DGKB: variants seen among roughly 807,000 people sequenced by gnomAD.
DGKB encodes 90 kDa diacylglycerol kinase.
A neutral mutation model predicts 114.3 loss-of-function variants in DGKB; 67 were observed. The ratio of observed to expected loss-of-function variants is 0.59; its 90% CI spans 0.48 to 0.72. The LOEUF (loss-of-function observed/expected upper bound fraction) is 0.72. DGKB is among the 30% of genes least tolerant of loss of function. The pLI is 0.00. For missense variants in DGKB, 907 were observed against 975.2 expected (o/e 0.93, Z 0.93); for synonymous variants, 398 against 323.1 (o/e 1.23, Z -2.49).
chr7:14,808,290 A>C (rs1842999215), intron 2 of DGKB, among the ~76,000 whole-genome samples: 1 of 152,218 alleles, frequency 6.6e-6, no homozygotes, highest in Admixed American at 6.5e-5. Context: ...GAAGCAAATA[A>C]GTTTTTACAG....
intron 21 of DGKB, among the ~76,000 whole-genome samples, chr7:14,397,591 C>T (rs1423231784): frequency 1.3e-5 from 2 of 152,094 alleles, no homozygotes; most frequent in African/African-American, 4.8e-5. Context: ...TTTAGCCTTA[C>T]AGAGTCTCTT....
At chr7:14,586,472 T>G (rs1381902500) in intron 17 of DGKB, among the ~76,000 whole-genome samples, 2 of 152,152 alleles carry the variant, frequency 1.3e-5, no homozygotes, top group Non-Finnish European at 2.9e-5. Context: ...GAGGAAGAAG[T>G]GGCAGCAAAT....
intron 20 of DGKB, among the ~76,000 whole-genome samples, chr7:14,562,369 C>T (rs1038604191): frequency 6.6e-6 from 1 of 152,196 alleles, no homozygotes; most frequent in Non-Finnish European, 1.5e-5. Flanking sequence ...AGAGTCCCCA[C>T]TGGGACACTG....
intron 1 of DGKB, among the ~76,000 whole-genome samples, chr7:14,957,647 T>C (rs1786588878): frequency 6.6e-6 from 1 of 152,076 alleles, no homozygotes; most frequent in Non-Finnish European, 1.5e-5. Context: ...TTGTTAACTG[T>C]TTCTATTTCA....
intron 1 of DGKB, among the ~76,000 whole-genome samples, chr7:14,927,934 G>A (rs541187141): frequency 5.9e-5 from 9 of 151,712 alleles, no homozygotes; most frequent in Admixed American, 2.6e-4. Flanking sequence ...CTAGTATCTT[G>A]GATGCAATTT....
chr7:14,373,834 G>C (rs952983506), intron 21 of DGKB, among the ~76,000 whole-genome samples: 2 of 151,938 alleles, frequency 1.3e-5, no homozygotes, highest in African/African-American at 2.4e-5. Flanking sequence ...TGATGGGCCC[G>C]TGCTTTCATT....
At chr7:14,185,291 T>C (rs1783237748) in intron 23 of DGKB, among the ~76,000 whole-genome samples, 1 of 152,058 alleles carries the variant, frequency 6.6e-6, no homozygotes, top group African/African-American at 2.4e-5. Context: ...ACAAACATCT[T>C]AGGAATATAC....
chr7:14,945,129 A>G (rs1785799387), intron 1 of DGKB, among the ~76,000 whole-genome samples: 1 of 151,886 alleles, frequency 6.6e-6, no homozygotes, highest in Non-Finnish European at 1.5e-5. Context: ...AAATTGCGGT[A>G]TAATTCACAT....
chr7:14,227,353 T>C (rs753767500), intron 23 of DGKB, among the ~76,000 whole-genome samples: 2 of 152,086 alleles, frequency 1.3e-5, no homozygotes, highest in Non-Finnish European at 2.9e-5. Context: ...CAAATGACTA[T>C]AGTGGCTAAT....
At chr7:14,593,633 G>T (rs1316169521) in intron 17 of DGKB, among the ~76,000 whole-genome samples, 1 of 151,610 alleles carries the variant, frequency 6.6e-6, no homozygotes, top group Non-Finnish European at 1.5e-5. Context: ...TATAACCCTT[G>T]AAGGATATTT....
At chr7:14,347,681 T>G (rs1812714355) in intron 21 of DGKB, among the ~76,000 whole-genome samples, 1 of 152,128 alleles carries the variant, frequency 6.6e-6, no homozygotes, top group African/African-American at 2.4e-5. Flanking sequence ...TAAGTAAGTT[T>G]TGGAGACCTA....
chr7:14,618,154 A>G (rs1267784760), intron 15 of DGKB, among the ~76,000 whole-genome samples: 1 of 151,478 alleles, frequency 6.6e-6, no homozygotes. Flanking sequence ...ACACACATAC[A>G]TCAAAGAAAG....
intron 4 of DGKB, among the ~76,000 whole-genome samples, chr7:14,753,361 G>C (rs540787131): frequency 6.6e-6 from 1 of 152,258 alleles, no homozygotes; most frequent in East Asian, 1.9e-4. Context: ...GCACCCAACT[G>C]AACTACTGTT....
At chr7:14,759,569 T>C (rs1244478532) in intron 2 of DGKB, among the ~76,000 whole-genome samples, 1 of 152,192 alleles carries the variant, frequency 6.6e-6, no homozygotes, top group African/African-American at 2.4e-5. Flanking sequence ...TTTTTCCATG[T>C]TATAACATGT....
In DGKB at chr7:14,709,581, G is replaced by A. The variant is rs1251904822; in HGVS notation, c.467-7851C>T. ...GGAACCAACCCAAATGTCCAACAAT[G>A]ATAGACTGGATTAAGAAAATGTGGC... On this transcript the variant is annotated intron_variant, in intron 6 of 25. Transcript: ENST00000402815. Among the ~76,000 whole-genome samples the A allele has an allele frequency of 5.1e-5, 7 of 136,620 alleles. No homozygotes were observed. The East Asian group carries it at 1.4e-3, about 28-fold the overall frequency. 89.6% of individuals were successfully genotyped at this position (136,620 alleles called of 152,430 possible).
chr7:14,939,776 G>A (rs1785471945), intron 1 of DGKB, among the ~76,000 whole-genome samples: 1 of 151,740 alleles, frequency 6.6e-6, no homozygotes, highest in Non-Finnish European at 1.5e-5. Flanking sequence ...ACGACGCCCA[G>A]CTAATTTTTT....
intron 23 of DGKB, among the ~76,000 whole-genome samples, chr7:14,322,321 G>A (rs1055551329): frequency 6.6e-6 from 1 of 152,174 alleles, no homozygotes; most frequent in African/African-American, 2.4e-5. Flanking sequence ...GTGGAATACA[G>A]TGTTCAGAAA....
chr7:14,302,266 GGA>G (rs1404762822), intron 23 of DGKB, among the ~76,000 whole-genome samples: 1 of 152,042 alleles, frequency 6.6e-6, no homozygotes, highest in Non-Finnish European at 1.5e-5. Context: ...GGTGTACAGA[GGA>G]GAGAGAACAT....
At chr7:14,409,834 TACTGTA>T (rs563747731) in intron 21 of DGKB, among the ~76,000 whole-genome samples, 2 of 151,904 alleles carry the variant, frequency 1.3e-5, no homozygotes, top group Non-Finnish European at 2.9e-5. Context: ...AACAGACAAG[TACTGTA>T]AATGTATTTT....
Sources: gnomAD v4.1 joint callset for allele counts (sites outside exome capture counted in the v4.1 genomes callset) on GRCh38, gnomAD v4.1.1 for gene constraint, MANE v1.5 for transcripts, NCBI Gene and HGNC (gene_info 2026-07-23, HGNC 2026-07-21) for gene names.